Variants in MED13L observed in about 807,000 individuals in gnomAD.
MED13L encodes the protein mediator complex subunit 13L.
Under a neutral mutation model 220.9 loss-of-function variants are expected in MED13L, and 7 were observed. The observed-to-expected ratio is 0.03, with a 90% CI of 0.02 to 0.06. The LOEUF is 0.06. Ranked by LOEUF, MED13L falls within the 10% of genes least tolerant of loss-of-function variation. The pLI is 1.00. For missense variants in MED13L, 1,965 were observed against 2,760.5 expected, an observed-to-expected ratio of 0.71 and a Z score of 6.46; for synonymous variants, 1,011 against 1,015.2, an observed-to-expected ratio of 1.00 and a Z score of 0.08.
At chr12:116,120,282 T>G (rs984076006) in intron 2 of MED13L, among the ~76,000 whole-genome samples, 1 of 152,090 alleles carries the variant, frequency 6.6e-6, no homozygotes, top group African/African-American at 2.4e-5. Flanking sequence ...ATTCTTTTAT[T>G]CTTAGCACTG....
chr12:116,077,294 G>A (rs541548471), intron 4 of MED13L, among the ~76,000 whole-genome samples: 139 of 152,226 alleles, frequency 9.1e-4, no homozygotes, highest in Non-Finnish European at 1.3e-3. Flanking sequence ...GCAGGACTTC[G>A]GAAAGTTATT....
At chr12:116,206,548 A>G (rs1882343317) in intron 2 of MED13L, among the ~76,000 whole-genome samples, 1 of 152,220 alleles carries the variant, frequency 6.6e-6, no homozygotes, top group Non-Finnish European at 1.5e-5. Flanking sequence ...GAAAAGTTAT[A>G]GACGGGGAAA....
At chr12:115,970,474 CTTTATAGTTCCTGGGTTG>C (rs1876503689) in intron 27 of MED13L, 102 bp downstream of exon 27, 1 of 1,036,766 alleles carries the variant, frequency 9.6e-7, no homozygotes, top group Non-Finnish European at 1.5e-6. Flanking sequence ...TCTATCCCCT[CTTTATAGTTCCTGGGTTG>C]TTTATTACAA....
chr12:116,219,582 C>T (rs187038767), intron 2 of MED13L, among the ~76,000 whole-genome samples: 69 of 152,240 alleles, frequency 4.5e-4, no homozygotes, highest in Middle Eastern at 3.4e-3. Context: ...ATCCCTGGAT[C>T]ACCATCAAAC....
Position 115,994,879 on chromosome 12 carries a change from C to T in MED13L, c.2996+1597G>A, listed in dbSNP as rs184957025. Reference sequence around the variant, plus strand: ...TACTGCTGGTGCATTGTTATTTCCACGGTACTTCTACAGTCATTAGTCGTT... The same window carrying T: ...TACTGCTGGTGCATTGTTATTTCCATGGTACTTCTACAGTCATTAGTCGTT... On this transcript the variant is annotated intron_variant, in intron 16 of 30. Coordinates refer to ENST00000281928, the MANE Select transcript of MED13L (RefSeq NM_015335.5). Among the ~76,000 whole-genome samples, 7 of 152,276 alleles carry T rather than the reference C, an allele frequency of 4.6e-5. No homozygotes were observed. The East Asian group carries it at 1.2e-3, about 25-fold the overall frequency.
At chr12:115,990,963 A>T in intron 17 of MED13L, 57 bp downstream of exon 17, 1 of 1,570,018 alleles carries the variant, frequency 6.4e-7, no homozygotes, top group African/African-American at 1.3e-5. Context: ...GAAAGCTTTT[A>T]AGTTATGATC....
At chr12:115,966,317 C>G in intron 28 of MED13L, 74 bp from the exon 29 acceptor site, 2 of 1,503,282 alleles carry the variant, frequency 1.3e-6, no homozygotes, top group East Asian at 4.5e-5. Context: ...CATCAGTTCA[C>G]TCTGCACACT....
chr12:116,145,803 A>G (rs1877454821), intron 2 of MED13L, among the ~76,000 whole-genome samples: 1 of 151,968 alleles, frequency 6.6e-6, no homozygotes, highest in South Asian at 2.1e-4. Flanking sequence ...CTGGAACTAA[A>G]TCTAGGTGAC....
intron 29 of MED13L, 128 bp downstream of exon 29, chr12:115,965,954 A>G: frequency 8.5e-7 from 1 of 1,176,770 alleles, no homozygotes; most frequent in South Asian, 1.3e-5. Flanking sequence ...CTCAGAGTAT[A>G]AGTAGATACA....
In MED13L at chr12:115,986,383, G is replaced by A; in HGVS notation, c.4221C>T (p.Leu1407=). Residue 1407 remains leucine (L), a synonymous_variant, in exon 19 of 31, where the codon CTC becomes CTT. Coordinates refer to ENST00000281928, the MANE Select transcript of MED13L (RefSeq NM_015335.5). ...GGTGGCCCCCATATGGGTCCAACAA[G>A]AGCCTCTCCCAAAACGGCAAGGAGA... ...SPFSLPFWER[L]LLDPYGGHRD... is the part of the protein sequence containing the mutation. The A allele has an allele frequency of 6.2e-7, 1 of 1,614,092 alleles. No individual in the cohort carries two copies. Among genetic ancestry groups the A allele is most frequent in the South Asian group, 1.1e-5 (1 of 91,082 alleles).
chr12:116,219,155 C>G (rs971916395), intron 2 of MED13L, among the ~76,000 whole-genome samples: 1 of 152,150 alleles, frequency 6.6e-6, no homozygotes, highest in Admixed American at 6.5e-5. Flanking sequence ...AATAAAGAGA[C>G]AAGCTTTTTA....
At position 115,968,062 on chromosome 12, in the gene MED13L, C is replaced by A. The variant is rs572156062; in HGVS notation, c.6225+878G>T. ...GTGCTGGGAATAAAAGTCCCCCCCC[C>A]CCCCCGATGAAAACTGAAGTCCTTT... On this transcript the variant is annotated intron_variant, in intron 28 of 30. Transcript: ENST00000281928. 1.4e-4 allele frequency among the ~76,000 whole-genome samples: 19 copies of A among 134,236 alleles called. 2 individuals carry two copies. The highest frequency in any genetic ancestry group is 7.5e-3 in the Middle Eastern group (2 of 266). 88.1% of individuals were successfully genotyped at this position (134,236 alleles called of 152,430 possible). A position where few individuals can be genotyped will look rare whatever the true frequency, so the allele number is the denominator to read the frequency against.
At chr12:116,267,119 GAATT>G (rs991443778) in intron 1 of MED13L, among the ~76,000 whole-genome samples, 4 of 152,228 alleles carry the variant, frequency 2.6e-5, no homozygotes, top group African/African-American at 9.6e-5. Flanking sequence ...AACTGCCAAG[GAATT>G]AATAGCTTAA....
Position 115,991,355 on chromosome 12 carries a change from C to T in MED13L, c.3599G>A (p.Arg1200His), listed in dbSNP as rs764576420. Residue 1200 changes from arginine (R) to histidine (H), a missense_variant, in exon 17 of 31, where the codon CGC becomes CAC. Transcript: ENST00000281928. The surrounding 1 kb of genome is among the most constrained non-coding windows in gnomAD (Gnocchi z 7.7). ...GAAGGTGGACTGACACATCATTAAG[C>T]GCCTCTCTGCAGCCTGACCAATATC... Reference protein sequence around the residue: ...NSDIGQAAERRLMMCQSTFLP... With the variant: ...NSDIGQAAERHLMMCQSTFLP... The T allele has an allele frequency of 5.1e-5, 83 of 1,613,886 alleles. No individual in the cohort carries two copies. The highest frequency in any genetic ancestry group is 6.9e-5 in the Non-Finnish European group (81 of 1,180,038).
chr12:116,159,882 C>T (rs1008608523), intron 2 of MED13L, among the ~76,000 whole-genome samples: 4 of 150,496 alleles, frequency 2.7e-5, no homozygotes, highest in African/African-American at 1.0e-4. Flanking sequence ...CCTGCTATTT[C>T]AAAGCAGCAG....
At chr12:116,082,146 T>A (rs1871281098) in intron 4 of MED13L, among the ~76,000 whole-genome samples, 1 of 152,206 alleles carries the variant, frequency 6.6e-6, no homozygotes, top group Admixed American at 6.5e-5. Flanking sequence ...AATATAGAGA[T>A]AACAACTTAT....
intron 3 of MED13L, among the ~76,000 whole-genome samples, chr12:116,102,650 A>G (rs573097065): frequency 1.5e-4 from 23 of 150,108 alleles, no homozygotes; most frequent in Non-Finnish European, 3.1e-4. Context: ...CTACATAATC[A>G]AGGGGCTGAA....
At chr12:116,095,462 C>A (rs1244031412) in intron 4 of MED13L, among the ~76,000 whole-genome samples, 3 of 152,208 alleles carry the variant, frequency 2.0e-5, no homozygotes, top group Non-Finnish European at 4.4e-5. Context: ...GAAGATTCCA[C>A]AACCATTTCA....
chr12:116,092,513 G>A (rs1872320018), intron 4 of MED13L, among the ~76,000 whole-genome samples: 1 of 152,098 alleles, frequency 6.6e-6, no homozygotes, highest in Non-Finnish European at 1.5e-5. Flanking sequence ...GATGAAATAA[G>A]GAAAGGAAGG....
Sources: gnomAD v4.1 joint callset for allele counts (sites outside exome capture counted in the v4.1 genomes callset) on GRCh38, gnomAD v4.1.1 for gene constraint, Gnocchi (gnomAD v3.1) non-coding constraint, MANE v1.5 for transcripts, NCBI Gene and HGNC (gene_info 2026-07-23, HGNC 2026-07-21) for gene names.